The following SSBP4 variants were observed in gnomAD, a reference collection of about 807,000 sequenced individuals.
SSBP4 encodes the protein single stranded DNA binding protein 4.
In SSBP4, 33 loss-of-function variants were observed where a neutral mutation model predicts 64.6. The ratio of observed to expected loss-of-function variants is 0.51; its 90% CI spans 0.39 to 0.68. The LOEUF is 0.68. Ranked by LOEUF, SSBP4 falls within the 30% of genes least tolerant of loss-of-function variation. The pLI is 0.00. For synonymous variants in SSBP4, 243 were observed against 224.0 expected (o/e 1.08, Z -0.76); for missense variants, 583 against 566.8 (o/e 1.03, Z -0.29).
the SSBP4 span, among the ~76,000 whole-genome samples, chr19:18,409,230 A>T: frequency 1.4e-5 from 2 of 144,114 alleles, no homozygotes; most frequent in African/African-American, 2.6e-5. Context: ...TCTGTCATCC[A>T]GGCTGGAGTG....
intron 1 of SSBP4, 105 bp downstream of exon 1, chr19:18,419,812 GAGCCT>G: frequency 1.5e-5 from 12 of 814,418 alleles, no homozygotes; most frequent in Non-Finnish European, 1.8e-5. Flanking sequence ...CGGGGAGCGC[GAGCCT>G]GAGCGCGCTC....
At chr19:18,403,392 A>G in the SSBP4 span, among the ~76,000 whole-genome samples, 90 of 152,108 alleles carry the variant, frequency 5.9e-4, no homozygotes, top group African/African-American at 1.9e-3. Context: ...TCTGTGTCTT[A>G]TTTCTTTTCT....
the SSBP4 span, among the ~76,000 whole-genome samples, chr19:18,409,934 C>T: frequency 2.6e-5 from 4 of 152,152 alleles, no homozygotes; most frequent in African/African-American, 9.7e-5. Flanking sequence ...CAGGTTCAAG[C>T]GATTCTCCTG....
chr19:18,425,212 A>G (rs1000247028), intron 1 of SSBP4, among the ~76,000 whole-genome samples: 3 of 152,042 alleles, frequency 2.0e-5, no homozygotes, highest in Non-Finnish European at 4.4e-5. Flanking sequence ...CCCCTCCTTC[A>G]GGAGTCCCCC....
Position 18,427,240 on chromosome 19 carries a change from C to A in SSBP4, c.60-111C>A. The A allele has an allele frequency of 9.4e-7, 1 of 1,066,774 alleles. No individual in the cohort carries two copies. Among genetic ancestry groups the A allele is most frequent in the Non-Finnish European group, 1.4e-6 (1 of 726,756 alleles). The allele number at this position is 1,066,774 out of a possible 1,614,324, so 66.1% of individuals were successfully genotyped here. On this transcript the variant is annotated intron_variant, in intron 1 of 17. Coordinates refer to ENST00000270061, the MANE Select transcript of SSBP4 (RefSeq NM_032627.5). This position sits in a 1 kb window ranked among gnomAD's most constrained non-coding sequence, Gnocchi z 4.4. ...ATAACTATGAGCTGTCCCTGCTGAG[C>A]AGCTGGTGGGGAGGCCACCTTTCCA...
Position 18,432,878 on chromosome 19 carries a change from C to T in SSBP4, c.836C>T (p.Pro279Leu). ...CCTGGAACACCCATCATGCCTAGCCCTGGAGGTATGGCCTAGTAAGAGGTG... is the reference window on the plus strand; with the variant it reads ...CCTGGAACACCCATCATGCCTAGCCTTGGAGGTATGGCCTAGTAAGAGGTG... ...GPPGTPIMPS[P>L]GDSTNSSENM... is the part of the protein sequence containing the mutation. Residue 279 changes from proline to leucine, a missense_variant, in exon 13 of 18, where the codon CCT (proline) becomes CTT (leucine). By Grantham distance (98) the Pro-to-Leu change is moderately conservative (BLOSUM62 -3). Transcript: ENST00000270061. 1 of 1,614,028 alleles carries T rather than the reference C, an allele frequency of 6.2e-7. No individual in the cohort carries two copies. The highest frequency in any genetic ancestry group is 8.5e-7 in the Non-Finnish European group (1 of 1,179,994).
chr19:18,431,027 C>G, intron 5 of SSBP4, 97 bp downstream of exon 5: 5 of 1,410,334 alleles, frequency 3.5e-6, no homozygotes, highest in Non-Finnish European at 4.9e-6. Context: ...ATGAGGCCGG[C>G]AGGCTGGAGT....
At chr19:18,409,022 T>A in the SSBP4 span, among the ~76,000 whole-genome samples, 5 of 151,442 alleles carry the variant, frequency 3.3e-5, 1 homozygote, top group South Asian at 8.4e-4. Context: ...CTATGTTGCA[T>A]AGGCTGGTCT....
chr19:18,408,206 T>C, the SSBP4 span, among the ~76,000 whole-genome samples: 2 of 152,208 alleles, frequency 1.3e-5, no homozygotes, highest in African/African-American at 4.8e-5. Context: ...GGCCACGTCA[T>C]GGCCACATGG....
In SSBP4 at chr19:18,434,420, C is replaced by T. The variant is rs531981814; in HGVS notation, c.*174C>T. ...ACCATTTTATTAAAAACGCAAGGAC[C>T]TCAGAGACGTTCTTTTCTGTATGGA... On this transcript the variant is annotated 3_prime_UTR_variant, in exon 18 of 18. Transcript: ENST00000270061. 10 of 1,221,576 alleles carry T rather than the reference C, an allele frequency of 8.2e-6. No individual in the cohort carries two copies. Among genetic ancestry groups the T allele is most frequent in the Middle Eastern group, 2.9e-4 (1 of 3,482 alleles). 75.7% of individuals were successfully genotyped at this position (1,221,576 alleles called of 1,614,324 possible).
chr19:18,419,679 G>A lies in SSBP4; in HGVS notation c.31G>A (p.Val11Met), dbSNP rs1209397164. ...CGCCAAGGGGGGCAAGGGTTCGGCC[G>A]TGCCCTCCGACAGCCAGGCCCGCGA... MYAKGGKGSA[V>M]PSDSQAREKL... is the part of the protein sequence containing the mutation. Residue 11 changes from valine to methionine, a missense_variant, in exon 1 of 18, where the codon GTG (valine) becomes ATG (methionine). Val to Met is a conservative substitution (Grantham distance 21). This residue lies in a region of SSBP4 where 39 missense variants were observed against 25.7 expected (regional missense o/e 1.52). Transcript: ENST00000270061. The A allele has an allele frequency of 5.0e-6, 6 of 1,201,786 alleles. No homozygotes were observed. Among genetic ancestry groups the A allele is most frequent in the South Asian group, 5.8e-5 (2 of 34,308 alleles). 74.4% of individuals were successfully genotyped at this position (1,201,786 alleles called of 1,614,324 possible).
intron 1 of SSBP4, among the ~76,000 whole-genome samples, chr19:18,420,745 G>C (rs1164607077): frequency 6.6e-6 from 1 of 151,790 alleles, no homozygotes; most frequent in African/African-American, 2.4e-5. Flanking sequence ...CCAACTACTC[G>C]GGAGGCTGAG....
At chr19:18,409,650 C>CA in the SSBP4 span, among the ~76,000 whole-genome samples, 2 of 152,144 alleles carry the variant, frequency 1.3e-5, no homozygotes, top group Non-Finnish European at 2.9e-5. Flanking sequence ...GGCTGGGGTG[C>CA]AGTGGCACAA....
intron 4 of SSBP4, among the ~76,000 whole-genome samples, chr19:18,429,571 G>C (rs1340094235): frequency 6.6e-6 from 1 of 151,834 alleles, no homozygotes; most frequent in African/African-American, 2.4e-5. Flanking sequence ...CAGACACAGG[G>C]CTCAAAGGTG....
the SSBP4 span, among the ~76,000 whole-genome samples, chr19:18,413,607 G>A: frequency 1.3e-5 from 2 of 152,296 alleles, no homozygotes; most frequent in African/African-American, 2.4e-5. Flanking sequence ...ATGGGTATCC[G>A]GCCATGGGAG....
chr19:18,433,474 GGGCGGGGGCGCGTC>G (rs151008041), intron 15 of SSBP4, 97 bp from the exon 16 acceptor site: 332,759 of 1,502,794 alleles, frequency 0.22, 38,463 homozygotes, highest in African/African-American at 0.41. Context: ...GGGCTGTGCG[GGGCGGGGGCGCGTC>G]GGCGGGGGCA....
In SSBP4 at chr19:18,431,784, C is replaced by T. The variant is rs990158476; in HGVS notation, c.496-9C>T. Reference sequence around the variant, plus strand: ...CCCCACACTCAGTGCCGCCGCACCCCCTCCGCAGCCTCCCGCAGGCCTCCC... The same window carrying T: ...CCCCACACTCAGTGCCGCCGCACCCTCTCCGCAGCCTCCCGCAGGCCTCCC... On this transcript the variant is annotated splice_polypyrimidine_tract_variant and intron_variant, in intron 7 of 17. Coordinates refer to ENST00000270061, the MANE Select transcript of SSBP4 (RefSeq NM_032627.5). 1 of 1,549,620 alleles carries T rather than the reference C, an allele frequency of 6.5e-7. No individual in the cohort carries two copies. Among genetic ancestry groups the T allele is most frequent in the Admixed American group, 1.9e-5 (1 of 51,916 alleles).
Position 18,419,542 on chromosome 19 carries a change from G to A in SSBP4, c.-107G>A. On this transcript the variant is annotated 5_prime_UTR_variant, in exon 1 of 18. Coordinates refer to ENST00000270061, the MANE Select transcript of SSBP4 (RefSeq NM_032627.5). ...ACGATGCCTGCCGTGCCCGCCTGGG[G>A]CTCGGGGCGGTGAGGCCCGGGGCGC... The A allele has an allele frequency of 6.1e-6, 7 of 1,144,438 alleles. No homozygotes were observed. Among genetic ancestry groups the A allele is most frequent in the Non-Finnish European group, 7.5e-6 (7 of 930,298 alleles). 70.9% of individuals were successfully genotyped at this position (1,144,438 alleles called of 1,614,324 possible).
upstream of SSBP4, chr19:18,419,312 C>G: frequency 2.0e-6 from 2 of 1,006,346 alleles, no homozygotes; most frequent in Non-Finnish European, 1.2e-6. Context: ...ACCCGCGCGC[C>G]CGCCATCGCC....
Sources: allele counts gnomAD v4.1 joint callset (sites outside exome capture counted in the v4.1 genomes callset), GRCh38; gene constraint gnomAD v4.1.1; regional missense constraint gnomAD v4.1.1; non-coding constraint Gnocchi (gnomAD v3.1); transcripts MANE v1.5; gene names NCBI Gene and HGNC (gene_info 2026-07-23, HGNC 2026-07-21).